Variants in NIBAN1 observed in about 807,000 individuals in gnomAD.
NIBAN1 encodes niban apoptosis regulator 1.
NIBAN1 carries 81 observed loss-of-function variants against 75.1 expected under a neutral mutation model. The ratio of observed to expected loss-of-function variants is 1.08; its 90% CI spans 0.90 to 1.30. NIBAN1 has a LOEUF of 1.30. NIBAN1 is among the 50% of genes most tolerant of loss of function. The pLI is 0.00. For missense variants in NIBAN1, 1,133 were observed against 1,128.1 expected (o/e 1.00, Z -0.06); for synonymous variants, 436 against 424.8 (o/e 1.03, Z -0.32).
intron 1 of NIBAN1, among the ~76,000 whole-genome samples, chr1:184,910,886 A>G (rs1195613879): frequency 2.0e-5 from 3 of 152,138 alleles, no homozygotes; most frequent in African/African-American, 7.2e-5. Flanking sequence ...GAGTTTGGAC[A>G]TTGGTCTTTT....
chr1:184,893,980 A>T, intron 3 of NIBAN1, 95 bp downstream of exon 3: 2 of 1,285,696 alleles, frequency 1.6e-6, no homozygotes, highest in Non-Finnish European at 1.1e-6. Flanking sequence ...TGATTTTGTT[A>T]GTATAGCCTT....
chr1:184,936,999 C>T (rs145969141), intron 1 of NIBAN1, among the ~76,000 whole-genome samples: 6 of 152,262 alleles, frequency 3.9e-5, no homozygotes, highest in Non-Finnish European at 8.8e-5. Context: ...CTTCTCCATC[C>T]TATCCCTTTC....
intron 6 of NIBAN1, among the ~76,000 whole-genome samples, chr1:184,830,584 T>C (rs1424590262): frequency 6.6e-6 from 1 of 152,008 alleles, no homozygotes; most frequent in Non-Finnish European, 1.5e-5. Flanking sequence ...CCCTCATGAG[T>C]TTTCAGCATT....
intron 1 of NIBAN1, among the ~76,000 whole-genome samples, chr1:184,910,016 A>G (rs1571566262): frequency 6.6e-6 from 1 of 152,224 alleles, no homozygotes; most frequent in East Asian, 1.9e-4. Flanking sequence ...CTATGTAGAT[A>G]GTACATTCTT....
At position 184,817,944 on chromosome 1, in the gene NIBAN1, T is replaced by C. The variant is rs867264333; in HGVS notation, c.1173+694A>G. On this transcript the variant is annotated intron_variant, in intron 9 of 13. Transcript: ENST00000367511. ...TTCAAATAAGGCAAATGCCGAGCTGTAACCAATTTCACTGTTTCTGTACCT... is the reference window on the plus strand; with the variant it reads ...TTCAAATAAGGCAAATGCCGAGCTGCAACCAATTTCACTGTTTCTGTACCT... Among the ~76,000 whole-genome samples, 23 of 152,360 alleles carry C rather than the reference T, an allele frequency of 1.5e-4. No individual in the cohort carries two copies. The South Asian group carries it at 2.3e-3, about 15-fold the overall frequency.
intron 6 of NIBAN1, among the ~76,000 whole-genome samples, chr1:184,828,122 T>A (rs1335347227): frequency 6.6e-6 from 1 of 152,190 alleles, no homozygotes; most frequent in African/African-American, 2.4e-5. Context: ...GATATATTTA[T>A]ATTGACAAGT....
rs1017835330 is a variant in NIBAN1 at position 184,867,949 on chromosome 1, TA to T, written c.601+16683del. The T allele has an allele frequency of 5.6e-5, 55 of 985,398 alleles. No individual in the cohort carries two copies. The African/African-American group carries it at 9.4e-4, about 17-fold the overall frequency. 61.0% of individuals were successfully genotyped at this position (985,398 alleles called of 1,614,324 possible). A position where few individuals can be genotyped will look rare whatever the true frequency, so the allele number is the denominator to read the frequency against. On this transcript the variant is annotated intron_variant, in intron 5 of 13. Coordinates refer to ENST00000367511, the MANE Select transcript of NIBAN1 (RefSeq NM_052966.4). ...CACACAACGGGACAGTGTGGCAGTC[TA>T]ATAGTTTCTAGGGAAAGGTGGGGAA...
At chr1:184,912,058 A>G (rs1045977826) in intron 1 of NIBAN1, among the ~76,000 whole-genome samples, 1 of 152,158 alleles carries the variant, frequency 6.6e-6, no homozygotes, top group Non-Finnish European at 1.5e-5. Flanking sequence ...GTATGTATCC[A>G]TACATAATAT....
At chr1:184,902,760 G>A (rs372923631) in intron 1 of NIBAN1, among the ~76,000 whole-genome samples, 58 of 152,242 alleles carry the variant, frequency 3.8e-4, no homozygotes, top group African/African-American at 1.3e-3. Flanking sequence ...CAACATTAAT[G>A]AACTGAAGAA....
At chr1:184,873,471 A>G (rs1470357920) in intron 5 of NIBAN1, among the ~76,000 whole-genome samples, 1 of 152,240 alleles carries the variant, frequency 6.6e-6, no homozygotes, top group African/African-American at 2.4e-5. Context: ...TAAATTTTCC[A>G]TGAGAAACGT....
In NIBAN1 at chr1:184,842,513, G is replaced by C. The variant is rs548389960; in HGVS notation, c.602-10551C>G. Among the ~76,000 whole-genome samples the C allele has an allele frequency of 4.6e-5, 7 of 152,278 alleles. No individual in the cohort carries two copies. In the South Asian group the frequency reaches 1.4e-3, roughly 32 times the overall value. On this transcript the variant is annotated intron_variant, in intron 5 of 13. Coordinates refer to ENST00000367511, the MANE Select transcript of NIBAN1 (RefSeq NM_052966.4). ...TCACGCCTGTAATCCCAGTACTTTG[G>C]GAGGCCGAGGCAGGCGGATTACCTG... is the stretch of plus-strand genomic sequence containing the variant.
At chr1:184,904,280 C>T (rs1162602898) in intron 1 of NIBAN1, among the ~76,000 whole-genome samples, 3 of 152,030 alleles carry the variant, frequency 2.0e-5, no homozygotes, top group East Asian at 1.9e-4. Context: ...CCACCCGCCT[C>T]GACTCCCATA....
At chr1:184,957,053 G>T (rs1658507862) in intron 1 of NIBAN1, among the ~76,000 whole-genome samples, 1 of 152,124 alleles carries the variant, frequency 6.6e-6, no homozygotes, top group Non-Finnish European at 1.5e-5. Context: ...TGGTAAACTG[G>T]GTCTCAAAAA....
chr1:184,839,291 A>G (rs1655218505), intron 5 of NIBAN1, among the ~76,000 whole-genome samples: 1 of 152,118 alleles, frequency 6.6e-6, no homozygotes, highest in African/African-American at 2.4e-5. Flanking sequence ...TAATTTTTAA[A>G]AACTTTTTAT....
At position 184,791,072 on chromosome 1, in the gene NIBAN1, G is replaced by A. The variant is rs1369016242; in HGVS notation, c.*3905C>T. 6.4e-6 allele frequency: 3 copies of A among 471,054 alleles called. No individual in the cohort carries two copies. The highest frequency in any genetic ancestry group is 1.3e-5 in the Non-Finnish European group (3 of 227,034). 29.2% of individuals were successfully genotyped at this position (471,054 alleles called of 1,614,324 possible). A position where few individuals can be genotyped will look rare whatever the true frequency, so the allele number is the denominator to read the frequency against. On this transcript the variant is annotated 3_prime_UTR_variant, in exon 14 of 14. Coordinates refer to ENST00000367511, the MANE Select transcript of NIBAN1 (RefSeq NM_052966.4). ...TTTATTGGAATATAGGCACCTGGCA[G>A]AGTAAATACATGGTTACAAAGTGTT...
chr1:184,955,307 T>C (rs7521504), intron 1 of NIBAN1, among the ~76,000 whole-genome samples: 219 of 94,556 alleles, frequency 2.3e-3, no homozygotes, highest in African/African-American at 8.0e-3. Context: ...TTTTCTTTTC[T>C]TTTCCTTTCC....
chr1:184,956,188 T>C (rs1177389420), intron 1 of NIBAN1, among the ~76,000 whole-genome samples: 3 of 152,070 alleles, frequency 2.0e-5, no homozygotes, highest in Non-Finnish European at 4.4e-5. Context: ...GCCACTACAT[T>C]TGGCTCATTT....
intron 5 of NIBAN1, among the ~76,000 whole-genome samples, chr1:184,842,603 A>G (rs657826): frequency 0.097 from 14,759 of 152,076 alleles, 843 homozygotes; most frequent in African/African-American, 0.16. Context: ...AAAATGAAAA[A>G]TTAGCCGGGC....
At position 184,803,588 on chromosome 1, in the gene NIBAN1, T is replaced by C. The variant is rs1432392492; in HGVS notation, c.1551A>G (p.Lys517=). The change falls in exon 12 of 14, where the codon AAA becomes AAG. Residue 517 remains lysine (K), a synonymous_variant. Coordinates refer to ENST00000367511, the MANE Select transcript of NIBAN1 (RefSeq NM_052966.4). ...TTAGGGTAACTCATCCCCTTACTGG[T>C]TTGCATGTGGACGCCAGTGCCTTCT... ...TVQKALASTC[K]PELQKYEQFI... is the part of the protein sequence containing the mutation. The C allele has an allele frequency of 6.2e-7, 1 of 1,613,190 alleles. No individual in the cohort carries two copies. The highest frequency in any genetic ancestry group is 1.3e-5 in the African/African-American group (1 of 74,908).
Sources: gnomAD v4.1 joint callset for allele counts (sites outside exome capture counted in the v4.1 genomes callset) on GRCh38, gnomAD v4.1.1 for gene constraint, MANE v1.5 for transcripts, NCBI Gene and HGNC (gene_info 2026-07-23, HGNC 2026-07-21) for gene names.